The following GRAMD1B variants were observed in gnomAD, a reference collection of about 807,000 sequenced individuals.
GRAMD1B encodes the protein protein Aster-B.
GRAMD1B carries 37 observed loss-of-function variants against 99.7 expected under a neutral mutation model. That is an observed-to-expected ratio of 0.37 (90% CI 0.29 to 0.49). The LOEUF (loss-of-function observed/expected upper bound fraction) is 0.49. GRAMD1B is among the 20% of genes least tolerant of loss of function. The pLI is 0.98. For synonymous variants in GRAMD1B, 427 were observed against 387.6 expected (o/e 1.10, Z -1.19); for missense variants, 888 against 1,009.2 (o/e 0.88, Z 1.63).
In GRAMD1B at chr11:123,607,060, A is replaced by G. The variant is rs371988796; in HGVS notation, c.1513+262A>G. ...CCTATTGACATTGGCTTGCCTTGCG[A>G]CCCTGACCCTCACAGACACGCAAGT... On this transcript the variant is annotated intron_variant, in intron 11 of 19. Coordinates refer to ENST00000635736, the MANE Select transcript of GRAMD1B (RefSeq NM_001387025.1). Among the ~76,000 whole-genome samples, 5 of 152,200 alleles carry G rather than the reference A, an allele frequency of 3.3e-5. No homozygotes were observed. The South Asian group carries it at 1.0e-3, about 32-fold the overall frequency.
chr11:123,523,582 C>T (rs1436878494), intron 2 of GRAMD1B, among the ~76,000 whole-genome samples: 2 of 151,386 alleles, frequency 1.3e-5, no homozygotes, highest in Non-Finnish European at 2.9e-5. Context: ...AAAAAATTTA[C>T]AGTTACAATA....
At chr11:123,409,460 G>T (rs1473879837) in intron 1 of GRAMD1B, among the ~76,000 whole-genome samples, 1 of 152,158 alleles carries the variant, frequency 6.6e-6, no homozygotes, top group Non-Finnish European at 1.5e-5. Context: ...CCCTGACACT[G>T]CTGAGAACTT....
chr11:123,480,854 A>G lies in GRAMD1B; in HGVS notation c.413A>G (p.Asp138Gly), dbSNP rs1258750613. The G allele has an allele frequency of 5.0e-6, 2 of 398,712 alleles. No homozygotes were observed. Among genetic ancestry groups the G allele is most frequent in the African/African-American group, 4.1e-5 (2 of 48,452 alleles). 24.7% of individuals were successfully genotyped at this position (398,712 alleles called of 1,614,324 possible). A position where few individuals can be genotyped will look rare whatever the true frequency, so the allele number is the denominator to read the frequency against. The change falls in exon 2 of 20, where the codon GAT (aspartate) becomes GGT (glycine). Residue 138 changes from aspartate to glycine, a missense_variant. Asp to Gly is a moderately conservative substitution (Grantham distance 94). Coordinates refer to ENST00000635736, the MANE Select transcript of GRAMD1B (RefSeq NM_001387025.1). Reference protein sequence around the residue: ...QSSQQSSHDDDSSRFLSPRAR... With the variant: ...QSSQQSSHDDGSSRFLSPRAR... ...AGTCAGCAGAGCAGCCACGATGATG[A>G]TTCTAGCAGGTTCCTGAGTCCTCGA...
chr11:123,486,838 TG>T (rs1305337233), intron 2 of GRAMD1B, among the ~76,000 whole-genome samples: 1 of 152,138 alleles, frequency 6.6e-6, no homozygotes, highest in Non-Finnish European at 1.5e-5. Flanking sequence ...GGGAAGCCGA[TG>T]GGGGTGGATC....
intron 1 of GRAMD1B, among the ~76,000 whole-genome samples, chr11:123,402,529 T>A (rs1371733209): frequency 2.0e-5 from 3 of 152,230 alleles, no homozygotes; most frequent in Non-Finnish European, 2.9e-5. Context: ...GCATTCTTAT[T>A]ATCTCCACTT....
chr11:123,618,532 TTC>T (rs139024835), intron 17 of GRAMD1B, 159 bp from the exon 18 acceptor site: 358 of 806,218 alleles, frequency 4.4e-4, no homozygotes, highest in Middle Eastern at 7.3e-4. Flanking sequence ...ATTAGGTTGC[TTC>T]TCTCTCTCTC....
chr11:123,370,036 C>A (rs774195708), intron 1 of GRAMD1B, among the ~76,000 whole-genome samples: 8 of 151,980 alleles, frequency 5.3e-5, no homozygotes, highest in Non-Finnish European at 1.2e-4. Flanking sequence ...ACTTCTTGGC[C>A]GGGCATGATG....
intron 1 of GRAMD1B, among the ~76,000 whole-genome samples, chr11:123,404,478 T>G (rs916125002): frequency 5.3e-5 from 8 of 152,242 alleles, no homozygotes; most frequent in African/African-American, 1.9e-4. Context: ...GAAAAGACCA[T>G]TGAAGGTAAC....
intron 2 of GRAMD1B, among the ~76,000 whole-genome samples, chr11:123,501,137 C>T (rs1939807991): frequency 6.6e-6 from 1 of 152,012 alleles, no homozygotes; most frequent in Non-Finnish European, 1.5e-5. Context: ...GATTTAACTC[C>T]AGAGCTCAAG....
intron 6 of GRAMD1B, among the ~76,000 whole-genome samples, chr11:123,595,574 G>A (rs1818324158): frequency 6.6e-6 from 1 of 152,156 alleles, no homozygotes; most frequent in Non-Finnish European, 1.5e-5. Flanking sequence ...GATTACAGAT[G>A]TGAGCCCTGT....
chr11:123,400,347 TG>T (rs934961902), intron 1 of GRAMD1B, among the ~76,000 whole-genome samples: 9 of 152,024 alleles, frequency 5.9e-5, no homozygotes, highest in African/African-American at 2.2e-4. Context: ...CATGGTGGCA[TG>T]TACCTATAAT....
chr11:123,562,729 C>T (rs779557479), intron 2 of GRAMD1B, among the ~76,000 whole-genome samples: 1 of 152,120 alleles, frequency 6.6e-6, no homozygotes, highest in Non-Finnish European at 1.5e-5. Context: ...TAAAATTGTT[C>T]ATCCTTCTGC....
intron 2 of GRAMD1B, among the ~76,000 whole-genome samples, chr11:123,551,372 C>T (rs1468934535): frequency 6.6e-6 from 1 of 152,114 alleles, no homozygotes; most frequent in African/African-American, 2.4e-5. Context: ...GAGTATCATG[C>T]CCAGGCGAAA....
At chr11:123,383,572 T>C (rs1305838982) in intron 1 of GRAMD1B, among the ~76,000 whole-genome samples, 1 of 152,144 alleles carries the variant, frequency 6.6e-6, no homozygotes, top group East Asian at 1.9e-4. Context: ...ATTTTTCTCA[T>C]ATCCACCACC....
chr11:123,417,623 T>G (rs558759213), intron 1 of GRAMD1B, among the ~76,000 whole-genome samples: 1 of 152,024 alleles, frequency 6.6e-6, no homozygotes, highest in African/African-American at 2.4e-5. Flanking sequence ...CCCCAAAATA[T>G]GCACACCTAT....
chr11:123,467,394 C>CTTTTTTTTTTTTTT (rs11447711), intron 1 of GRAMD1B, among the ~76,000 whole-genome samples: 1 of 103,340 alleles, frequency 9.7e-6, no homozygotes, highest in Non-Finnish European at 1.8e-5. Flanking sequence ...TTTTCAACAC[C>CTTTTTTTTTTTTTT]TTTTTTTTTT....
chr11:123,600,288 CCCAGG>C (rs1199442211), intron 7 of GRAMD1B, among the ~76,000 whole-genome samples, 175 bp from the exon 8 acceptor site: 1 of 152,152 alleles, frequency 6.6e-6, no homozygotes, highest in Non-Finnish European at 1.5e-5. Flanking sequence ...GTATCAGGTA[CCCAGG>C]CCTCTGGTGT....
intron 1 of GRAMD1B, among the ~76,000 whole-genome samples, chr11:123,382,374 G>GT (rs1011453251): frequency 3.8e-4 from 57 of 151,734 alleles, no homozygotes; most frequent in African/African-American, 1.3e-3. Flanking sequence ...TCCAGAACTT[G>GT]TTTTTTTTAG....
intron 2 of GRAMD1B, among the ~76,000 whole-genome samples, chr11:123,575,670 C>T (rs1948631802): frequency 6.6e-6 from 1 of 152,170 alleles, no homozygotes; most frequent in Non-Finnish European, 1.5e-5. Context: ...CACGCTTCCC[C>T]AGGGGTTGTG....
Sources: allele counts gnomAD v4.1 joint callset (sites outside exome capture counted in the v4.1 genomes callset), GRCh38; gene constraint gnomAD v4.1.1; transcripts MANE v1.5; gene names NCBI Gene and HGNC (gene_info 2026-07-23, HGNC 2026-07-21).